The following DAO variants were observed in gnomAD, a reference collection of about 807,000 sequenced individuals.
The protein encoded by DAO is D-amino-acid oxidase.
DAO carries 51 observed loss-of-function variants against 50.1 expected under a neutral mutation model. The ratio of observed to expected loss-of-function variants is 1.02; its 90% confidence interval spans 0.81 to 1.29. The LOEUF (loss-of-function observed/expected upper bound fraction) is 1.29, where lower values mean the gene tolerates loss of function less well. DAO is among the 50% of genes most tolerant of loss of function. DAO has a pLI of 0.00. For missense variants in DAO, 436 were observed against 439.4 expected, an observed-to-expected ratio of 0.99 and a Z score of 0.07; for synonymous variants, 160 against 166.2, an observed-to-expected ratio of 0.96 and a Z score of 0.29.
intron 7 of DAO, among the ~76,000 whole-genome samples, chr12:108,894,775 G>A (rs2039529102): frequency 6.6e-6 from 1 of 152,096 alleles, no homozygotes; most frequent in Non-Finnish European, 1.5e-5. Flanking sequence ...CCAGGTTAGA[G>A]TGCAGTATCT....
At chr12:108,881,601 ATTTTTTTTTT>A (rs34780883) in intron 1 of DAO, among the ~76,000 whole-genome samples, 1 of 99,208 alleles carries the variant, frequency 1.0e-5, no homozygotes, top group Admixed American at 1.1e-4. Context: ...TTCCTTTTAA[ATTTTTTTTTT>A]TTTTTTTTTT....
intron 3 of DAO, among the ~76,000 whole-genome samples, chr12:108,887,807 C>T (rs982646079): frequency 6.6e-6 from 1 of 152,188 alleles, no homozygotes; most frequent in African/African-American, 2.4e-5. Flanking sequence ...GGGAAACTAG[C>T]CTTTGATTAG....
intron 5 of DAO, 127 bp from the exon 6 acceptor site, chr12:108,892,855 C>T (rs1217478535): frequency 1.2e-6 from 1 of 819,566 alleles, no homozygotes; most frequent in African/African-American, 1.7e-5. Flanking sequence ...CAGCCATCTT[C>T]TCAAGCAGCA....
intron 6 of DAO, among the ~76,000 whole-genome samples, chr12:108,893,617 G>A (rs561130340): frequency 3.3e-5 from 5 of 152,294 alleles, no homozygotes; most frequent in Middle Eastern, 6.8e-3. Context: ...GATGGACACC[G>A]AAGATACATG....
chr12:108,895,601 G>C (rs1314372180), intron 7 of DAO, among the ~76,000 whole-genome samples: 4 of 131,124 alleles, frequency 3.1e-5, no homozygotes, highest in African/African-American at 1.2e-4. Context: ...CGTGTGTGAT[G>C]GTGTGTGTGT....
intron 5 of DAO, among the ~76,000 whole-genome samples, chr12:108,892,224 G>A (rs1257823818): frequency 1.5e-4 from 22 of 142,550 alleles, no homozygotes; most frequent in African/African-American, 4.7e-4. Flanking sequence ...GAGCAGTGGC[G>A]CAATCTCGGC....
chr12:108,890,317 C>CCATCTTCCACTA, intron 5 of DAO, 44 bp downstream of exon 5: 1 of 1,490,446 alleles, frequency 6.7e-7, no homozygotes, highest in Non-Finnish European at 9.4e-7. Context: ...CTCCCAGAGA[C>CCATCTTCCACTA]CAAGTTGTAG....
intron 7 of DAO, among the ~76,000 whole-genome samples, chr12:108,896,034 T>TA (rs71079505): frequency 0.34 from 49,316 of 146,912 alleles, 9,048 homozygotes; most frequent in Admixed American, 0.48. Flanking sequence ...ACATTTTCTT[T>TA]AAAAAAAAAA....
At chr12:108,894,413 A>T (rs1399604678) in intron 7 of DAO, 46 bp downstream of exon 7, 1 of 1,378,282 alleles carries the variant, frequency 7.3e-7, no homozygotes. Flanking sequence ...TAGGAAGATC[A>T]TTCTGCATGC....
chr12:108,881,601 ATTTT>A (rs34780883), intron 1 of DAO, among the ~76,000 whole-genome samples: 1,070 of 99,188 alleles, frequency 0.011, 37 homozygotes, highest in African/African-American at 0.041. Flanking sequence ...TTCCTTTTAA[ATTTT>A]TTTTTTTTTT....
rs1019375813 is a variant in DAO at position 108,900,216 on chromosome 12, C to T, written c.913-188C>T. On this transcript the variant is annotated intron_variant, in intron 10 of 10. Coordinates refer to ENST00000228476, the MANE Select transcript of DAO (RefSeq NM_001917.5). ...CCAGATATCCATTTTGTGGCTGCCC[C>T]ATCATCTCTTGCAACTGTTCCAGGG... is the stretch of plus-strand genomic sequence containing the variant. The T allele has an allele frequency of 9.7e-6, 6 of 616,424 alleles. No homozygotes were observed. In the African/African-American group the frequency reaches 1.1e-4, roughly 11 times the overall value. The allele number at this position is 616,424 out of a possible 1,614,324, so 38.2% of individuals were successfully genotyped here. A position where few individuals can be genotyped will look rare whatever the true frequency, so the allele number is the denominator to read the frequency against.
At chr12:108,889,681 C>A in intron 4 of DAO, 136 bp downstream of exon 4, 1 of 712,020 alleles carries the variant, frequency 1.4e-6, no homozygotes, top group Non-Finnish European at 2.5e-6. Context: ...GGTCCTTGGT[C>A]CAGCTCCTTC....
At chr12:108,885,497 C>T (rs2039426804) in intron 2 of DAO, among the ~76,000 whole-genome samples, 1 of 152,064 alleles carries the variant, frequency 6.6e-6, no homozygotes, top group Admixed American at 6.6e-5. Context: ...GTAATCCCAG[C>T]TACTCGGGAG....
At chr12:108,895,933 C>A (rs1398011620) in intron 7 of DAO, among the ~76,000 whole-genome samples, 2 of 151,672 alleles carry the variant, frequency 1.3e-5, no homozygotes, top group Admixed American at 1.3e-4. Flanking sequence ...TTTATGGAGC[C>A]AGCTTGAGGG....
chr12:108,884,425 G>T (rs2039411942), intron 1 of DAO, among the ~76,000 whole-genome samples: 1 of 152,194 alleles, frequency 6.6e-6, no homozygotes, highest in Non-Finnish European at 1.5e-5. Context: ...ATGGATGCTT[G>T]TGAAGCACTT....
At chr12:108,894,882 A>G (rs1398466857) in intron 7 of DAO, among the ~76,000 whole-genome samples, 3 of 151,832 alleles carry the variant, frequency 2.0e-5, no homozygotes, top group Non-Finnish European at 4.4e-5. Context: ...TGCTCAGCCA[A>G]TTTTTTTATT....
At position 108,889,520 on chromosome 12, in the gene DAO, G is replaced by T; in HGVS notation, c.361G>T (p.Glu121Ter). Residue 121 changes from glutamate (E) to a stop codon, truncating the protein, a stop_gained, in exon 4 of 11, where the codon GAG (glutamate) becomes TAG (stop). Coordinates refer to ENST00000228476, the MANE Select transcript of DAO (RefSeq NM_001917.5). LOFTEE classifies it high-confidence loss of function. ...VLGFRKLTPRELDMFPDYGYG... is the reference protein window; with the variant it reads ...VLGFRKLTPR ...GGGATTTCGGAAGCTGACCCCCAGAGAGCTGGATATGTTCCCAGATTACGG... is the reference window on the plus strand; with the variant it reads ...GGGATTTCGGAAGCTGACCCCCAGATAGCTGGATATGTTCCCAGATTACGG... 1 of 1,613,212 alleles carries T rather than the reference G, an allele frequency of 6.2e-7. No homozygotes were observed. Among genetic ancestry groups the T allele is most frequent in the Non-Finnish European group, 8.5e-7 (1 of 1,179,442 alleles).
At chr12:108,882,513 C>T (rs867049898) in intron 1 of DAO, among the ~76,000 whole-genome samples, 1 of 151,422 alleles carries the variant, frequency 6.6e-6, no homozygotes, top group African/African-American at 2.4e-5. Context: ...AACTCTGTCT[C>T]GAAAAAATAA....
chr12:108,900,652 T>A lies in DAO; in HGVS notation c.*117T>A. The A allele has an allele frequency of 6.8e-7, 1 of 1,465,766 alleles. No homozygotes were observed. 90.8% of individuals were successfully genotyped at this position (1,465,766 alleles called of 1,614,324 possible). On this transcript the variant is annotated 3_prime_UTR_variant, in exon 11 of 11. Coordinates refer to ENST00000228476, the MANE Select transcript of DAO (RefSeq NM_001917.5). ...CCTCACTTCTTTCCTCAAAGAAGCA[T>A]GAGGTGAGAGAAAGCCACAAAGTCA...
Sources: gnomAD v4.1 joint callset for allele counts (sites outside exome capture counted in the v4.1 genomes callset) on GRCh38, gnomAD v4.1.1 for gene constraint, MANE v1.5 for transcripts, NCBI Gene and HGNC (gene_info 2026-07-23, HGNC 2026-07-21) for gene names.